SMIM35: variants seen among roughly 807,000 people sequenced by gnomAD.
The protein encoded by SMIM35 is small integral membrane protein 35.
intron 1 of SMIM35, among the ~76,000 whole-genome samples, chr11:118,044,245 T>C (rs1029059155): frequency 4.0e-5 from 6 of 151,362 alleles, no homozygotes; most frequent in African/African-American, 1.5e-4. Flanking sequence ...TCTACCCTAA[T>C]TGTACTTATC....
At position 118,078,481 on chromosome 11, in the gene SMIM35, G is replaced by A. The variant is rs149403669; in HGVS notation, c.7+8270C>T. 1.9e-4 allele frequency among the ~76,000 whole-genome samples: 29 copies of A among 152,324 alleles called. No individual in the cohort carries two copies. In the East Asian group the frequency reaches 2.5e-3, roughly 13 times the overall value. On this transcript the variant is annotated intron_variant, in intron 1 of 4. Coordinates refer to ENST00000689828, the MANE Select transcript of SMIM35 (RefSeq NM_001394165.1). Reference sequence around the variant, plus strand: ...TTCTGGCAAGAACAATTCTTAGTGCGGTTGTAGCTGATGATCAGAAAGGGG... The same window carrying A: ...TTCTGGCAAGAACAATTCTTAGTGCAGTTGTAGCTGATGATCAGAAAGGGG...
chr11:118,038,801 A>G (rs1943950737), intron 1 of SMIM35, among the ~76,000 whole-genome samples: 1 of 152,256 alleles, frequency 6.6e-6, no homozygotes, highest in African/African-American at 2.4e-5. Context: ...GAATCAGAAA[A>G]GAAAACAATA....
chr11:118,081,462 A>G (rs576429300), intron 1 of SMIM35, among the ~76,000 whole-genome samples: 2 of 152,346 alleles, frequency 1.3e-5, no homozygotes, highest in African/African-American at 4.8e-5. Context: ...AAACCGCAAC[A>G]GTCCTCCCCT....
chr11:118,006,154 C>T lies in SMIM35; in HGVS notation c.*256G>A, dbSNP rs539640346. On this transcript the variant is annotated 3_prime_UTR_variant, in exon 5 of 5. Transcript: ENST00000689828. ...TTGAAAGACTCACTGACTCCACTTC[C>T]AACTGCTTCTGCAGCACTGACAGCT... 42 of 152,422 alleles carry T rather than the reference C, an allele frequency of 2.8e-4. No individual in the cohort carries two copies. Among genetic ancestry groups the T allele is most frequent in the African/African-American group, 9.4e-4 (39 of 41,576 alleles). 9.4% of individuals were successfully genotyped at this position (152,422 alleles called of 1,614,324 possible).
chr11:118,019,321 TAAAA>T (rs2058207521), intron 1 of SMIM35, among the ~76,000 whole-genome samples: 1 of 152,092 alleles, frequency 6.6e-6, no homozygotes, highest in Admixed American at 6.6e-5. Context: ...AGGAAGGAAG[TAAAA>T]TGAAGAGCTC....
chr11:118,015,075 T>G (rs1459117309), intron 2 of SMIM35, among the ~76,000 whole-genome samples: 1 of 152,230 alleles, frequency 6.6e-6, no homozygotes, highest in Non-Finnish European at 1.5e-5. Context: ...TGTGGAATTT[T>G]AAAGAAAATC....
rs1477044293 is a variant in SMIM35, at chr11:118,071,107, C to T, written c.7+15644G>A. On this transcript the variant is annotated intron_variant, in intron 1 of 4. Transcript: ENST00000689828. ...GCGCACATTATATGGTAGCTATTTCCTTACCGTGTGTGGCTTATTTGAAGA... is the reference window on the plus strand; with the variant it reads ...GCGCACATTATATGGTAGCTATTTCTTTACCGTGTGTGGCTTATTTGAAGA... Among the ~76,000 whole-genome samples, 3 of 152,210 alleles carry T rather than the reference C, an allele frequency of 2.0e-5. 1 individual carries two copies. The highest frequency in any genetic ancestry group is 4.4e-5 in the Non-Finnish European group (3 of 68,042).
At chr11:118,072,978 T>A (rs1205914514) in intron 1 of SMIM35, among the ~76,000 whole-genome samples, 1 of 152,262 alleles carries the variant, frequency 6.6e-6, no homozygotes, top group Non-Finnish European at 1.5e-5. Flanking sequence ...TGGAGTGCAG[T>A]GGCAAGATCT....
intron 1 of SMIM35, among the ~76,000 whole-genome samples, chr11:118,043,739 G>C (rs1944042732): frequency 6.6e-6 from 1 of 151,648 alleles, no homozygotes; most frequent in African/African-American, 2.4e-5. Flanking sequence ...GAACCCGGGA[G>C]GTGGAGTGAG....
At chr11:118,078,013 C>CAAAAAAAAAA (rs148383275) in intron 1 of SMIM35, among the ~76,000 whole-genome samples, 14 of 71,036 alleles carry the variant, frequency 2.0e-4, no homozygotes, top group African/African-American at 5.5e-4. Flanking sequence ...AACTCCGTCT[C>CAAAAAAAAAA]AAAAAAAAAA....
chr11:118,021,409 T>G (rs2058230320), intron 1 of SMIM35, among the ~76,000 whole-genome samples: 1 of 152,186 alleles, frequency 6.6e-6, no homozygotes, highest in South Asian at 2.1e-4. Context: ...TGTTTTAATT[T>G]GTTATGGTGT....
chr11:118,078,939 G>C (rs76995369), intron 1 of SMIM35, among the ~76,000 whole-genome samples: 1,859 of 152,224 alleles, frequency 0.012, 30 homozygotes, highest in African/African-American at 0.041. Context: ...ATGAAGCCCC[G>C]CACAGATGTA....
At chr11:118,010,596 C>T (rs925694809) in intron 4 of SMIM35, among the ~76,000 whole-genome samples, 5 of 152,206 alleles carry the variant, frequency 3.3e-5, no homozygotes, top group African/African-American at 1.2e-4. Flanking sequence ...ATGTGGCCAC[C>T]TGCAATTCAG....
chr11:118,070,772 C>T (rs974454266), intron 1 of SMIM35, among the ~76,000 whole-genome samples: 2 of 152,068 alleles, frequency 1.3e-5, no homozygotes, highest in African/African-American at 4.8e-5. Context: ...ATATGGAAAC[C>T]GGAACCGAGG....
intron 1 of SMIM35, among the ~76,000 whole-genome samples, chr11:118,025,038 T>C (rs1565383155): frequency 6.6e-6 from 1 of 152,198 alleles, no homozygotes. Flanking sequence ...TCTGTTCTGG[T>C]GTTAATCTAC....
chr11:118,035,083 C>G (rs570801856), intron 1 of SMIM35, among the ~76,000 whole-genome samples: 1 of 152,030 alleles, frequency 6.6e-6, no homozygotes, highest in Admixed American at 6.5e-5. Flanking sequence ...TCCTGAGTAG[C>G]TGGGACCGTA....
chr11:118,013,138 G>T (rs933169449), intron 4 of SMIM35, among the ~76,000 whole-genome samples: 1 of 152,180 alleles, frequency 6.6e-6, no homozygotes, highest in Non-Finnish European at 1.5e-5. Context: ...GGCTGGTGGC[G>T]TATCCAGAGG....
intron 1 of SMIM35, among the ~76,000 whole-genome samples, chr11:118,041,347 A>G (rs1165311453): frequency 6.6e-6 from 1 of 152,180 alleles, no homozygotes; most frequent in African/African-American, 2.4e-5. Flanking sequence ...CCACTCAACA[A>G]CAAAATATGC....
intron 1 of SMIM35, among the ~76,000 whole-genome samples, chr11:118,049,694 T>C (rs1371307343): frequency 1.3e-5 from 2 of 152,134 alleles, no homozygotes; most frequent in Non-Finnish European, 2.9e-5. Flanking sequence ...TGCTTTTTAA[T>C]GGTCATATAT....
Sources: allele counts gnomAD v4.1 joint callset (sites outside exome capture counted in the v4.1 genomes callset), GRCh38; gene constraint gnomAD v4.1.1; transcripts MANE v1.5; gene names NCBI Gene and HGNC (gene_info 2026-07-23, HGNC 2026-07-21).